The following DPP9 variants were observed in gnomAD, a reference collection of about 807,000 sequenced individuals.
The protein encoded by DPP9 is dipeptidyl peptidase IV-related protein-2.
Under a neutral mutation model 110.7 loss-of-function variants are expected in DPP9, and 50 were observed. The ratio of observed to expected loss-of-function variants is 0.45; its 90% confidence interval spans 0.36 to 0.57. The LOEUF is 0.57. Among genes scored for constraint, DPP9 ranks in the 20% least tolerant of loss-of-function variants. The pLI, the probability that DPP9 is intolerant of heterozygous loss-of-function variation, is 0.00. For missense variants in DPP9, 1,022 were observed against 1,217.9 expected (o/e 0.84, Z 2.39); for synonymous variants, 561 against 514.4 (o/e 1.09, Z -1.23).
In DPP9 at chr19:4,694,547, C is replaced by T; in HGVS notation, c.1516+114G>A. Reference sequence around the variant, plus strand: ...GCTGGCTTCCTGCCGATCCCTGTTCCTTCTCCCGCAGGGTGTGCTGGCTGA... The same window carrying T: ...GCTGGCTTCCTGCCGATCCCTGTTCTTTCTCCCGCAGGGTGTGCTGGCTGA... On this transcript the variant is annotated intron_variant, in intron 13 of 21. Transcript: ENST00000262960. The surrounding 1 kb of genome is among the most constrained non-coding windows in gnomAD (Gnocchi z 4.0). 2 of 1,351,048 alleles carry T rather than the reference C, an allele frequency of 1.5e-6. No homozygotes were observed. Among genetic ancestry groups the T allele is most frequent in the African/African-American group, 1.4e-5 (1 of 69,290 alleles). 83.7% of individuals were successfully genotyped at this position (1,351,048 alleles called of 1,614,324 possible). A position where few individuals can be genotyped will look rare whatever the true frequency, so the allele number is the denominator to read the frequency against.
In DPP9 at chr19:4,687,674, G is replaced by A. The variant is rs1046610568; in HGVS notation, c.1885+1083C>T. ...CACCATAAAGGGCCCTCTGCATGCCGCTGTGGCCAGGACTGCAGGGTCCTG... is the reference window on the plus strand; with the variant it reads ...CACCATAAAGGGCCCTCTGCATGCCACTGTGGCCAGGACTGCAGGGTCCTG... On this transcript the variant is annotated intron_variant, in intron 16 of 21. Coordinates refer to ENST00000262960, the MANE Select transcript of DPP9 (RefSeq NM_139159.5). This position sits in a 1 kb window ranked among gnomAD's most constrained non-coding sequence, Gnocchi z 4.7. Among the ~76,000 whole-genome samples, 1 of 151,076 alleles carries A rather than the reference G, an allele frequency of 6.6e-6. No homozygotes were observed. Among genetic ancestry groups the A allele is most frequent in the East Asian group, 1.9e-4 (1 of 5,178 alleles).
At chr19:4,722,158 A>AC in intron 2 of DPP9, 1 of 286,318 alleles carries the variant, frequency 3.5e-6, no homozygotes, top group Non-Finnish European at 6.5e-6. Flanking sequence ...CTCAAACTAA[A>AC]GTCCTTTCAG....
chr19:4,691,104 A>G lies in DPP9; in HGVS notation c.1517-147T>C, dbSNP rs1437050599. On this transcript the variant is annotated intron_variant, in intron 13 of 21. Transcript: ENST00000262960. ...GTGAACTCAGACGCCAGCACAGGCC[A>G]CTGCGTCAGACCTGCCACATGGGCA... The G allele has an allele frequency of 1.1e-5, 7 of 636,284 alleles. No homozygotes were observed. In the East Asian group the frequency reaches 1.6e-4, roughly 15 times the overall value. The allele number at this position is 636,284 out of a possible 1,614,324, so 39.4% of individuals were successfully genotyped here.
chr19:4,707,059 A>G (rs1441391028), intron 4 of DPP9, among the ~76,000 whole-genome samples: 1 of 152,166 alleles, frequency 6.6e-6, no homozygotes, highest in Non-Finnish European at 1.5e-5. Flanking sequence ...CAAACCACTG[A>G]TTTAATCGAA....
chr19:4,712,939 G>T (rs2092902943), intron 4 of DPP9, among the ~76,000 whole-genome samples: 2 of 152,208 alleles, frequency 1.3e-5, no homozygotes, highest in African/African-American at 4.8e-5. Context: ...TGCAGCACAC[G>T]CGGGCCTGGG....
chr19:4,692,874 C>T (rs1325778167), intron 13 of DPP9, among the ~76,000 whole-genome samples: 2 of 152,156 alleles, frequency 1.3e-5, no homozygotes, highest in Non-Finnish European at 2.9e-5. Context: ...TCTGCACTGG[C>T]CGCATCCCAC....
Position 4,683,636 on chromosome 19 carries a change from G to T in DPP9, c.2179-7C>A. On this transcript the variant is annotated splice_region_variant and splice_polypyrimidine_tract_variant and intron_variant, in intron 18 of 21. Transcript: ENST00000262960. ...CCTCGATCTCCACCTGGCCCTGAGGGATGAAGCCGGGCACCTCTCAGTGGC... is the reference window on the plus strand; with the variant it reads ...CCTCGATCTCCACCTGGCCCTGAGGTATGAAGCCGGGCACCTCTCAGTGGC... 1 of 1,613,358 alleles carries T rather than the reference G, an allele frequency of 6.2e-7. No homozygotes were observed. The highest frequency in any genetic ancestry group is 1.1e-5 in the South Asian group (1 of 91,088).
chr19:4,680,847 C>G (rs539004798), intron 20 of DPP9, among the ~76,000 whole-genome samples: 1 of 152,236 alleles, frequency 6.6e-6, no homozygotes, highest in South Asian at 2.1e-4. Context: ...ATTCCAGCTA[C>G]TGAGGAGGCT....
intron 20 of DPP9, among the ~76,000 whole-genome samples, chr19:4,681,144 C>A (rs1279662666): frequency 6.6e-6 from 1 of 152,148 alleles, no homozygotes; most frequent in African/African-American, 2.4e-5. Context: ...ATTAACGGAA[C>A]TTATAAACCC....
intron 3 of DPP9, 76 bp downstream of exon 3, chr19:4,719,775 C>A (rs1568337328): frequency 4.0e-6 from 6 of 1,513,758 alleles, no homozygotes; most frequent in Non-Finnish European, 4.5e-6. Context: ...AGGGGCCTTC[C>A]AGATCTTAGA....
chr19:4,697,430 C>T, intron 11 of DPP9, 121 bp downstream of exon 11: 1 of 814,220 alleles, frequency 1.2e-6, no homozygotes, highest in Non-Finnish European at 1.9e-6. Flanking sequence ...GGCGGTTGCA[C>T]TGCGGGAAGA....
chr19:4,677,220 C>T (rs1272783986), intron 21 of DPP9, among the ~76,000 whole-genome samples: 1 of 151,982 alleles, frequency 6.6e-6, no homozygotes, highest in Non-Finnish European at 1.5e-5. Context: ...CCAGCCAACG[C>T]CAGGCCTGGG....
chr19:4,684,200 A>G lies in DPP9; in HGVS notation c.2178+463T>C, dbSNP rs2090348999. ...GGCCACGGCTTTTCCGCTCCTTGCA[A>G]CCCCTCTGCCGTGTAGGAAGCAGCA... On this transcript the variant is annotated intron_variant, in intron 18 of 21. Coordinates refer to ENST00000262960, the MANE Select transcript of DPP9 (RefSeq NM_139159.5). This position sits in a 1 kb window ranked among gnomAD's most constrained non-coding sequence, Gnocchi z 4.8. 3.8e-6 allele frequency: 1 copy of G among 265,832 alleles called. No individual in the cohort carries two copies. The highest frequency in any genetic ancestry group is 2.2e-5 in the African/African-American group (1 of 45,288). 16.5% of individuals were successfully genotyped at this position (265,832 alleles called of 1,614,324 possible).
rs1417897991 is a variant in DPP9, at chr19:4,700,638, G to T, written c.1013-361C>A. Reference sequence around the variant, plus strand: ...CCTGCCTTGGGAGAGCTCCAGAGCAGACGGTGAAGCCCGAGGCATCACAGT... The same window carrying T: ...CCTGCCTTGGGAGAGCTCCAGAGCATACGGTGAAGCCCGAGGCATCACAGT... On this transcript the variant is annotated intron_variant, in intron 9 of 21. Transcript: ENST00000262960. This position sits in a 1 kb window ranked among gnomAD's most constrained non-coding sequence, Gnocchi z 4.3. Among the ~76,000 whole-genome samples the T allele has an allele frequency of 6.6e-6, 1 of 152,220 alleles. No homozygotes were observed. Among genetic ancestry groups the T allele is most frequent in the Non-Finnish European group, 1.5e-5 (1 of 68,028 alleles).
At chr19:4,691,070 C>T (rs1165479191) in intron 13 of DPP9, 113 bp from the exon 14 acceptor site, 18 of 784,334 alleles carry the variant, frequency 2.3e-5, no homozygotes, top group Non-Finnish European at 3.4e-5. Flanking sequence ...ACTGAAACCC[C>T]GGCTTGCTGT....
At chr19:4,720,246 A>C (rs1305245915) in intron 2 of DPP9, among the ~76,000 whole-genome samples, 1 of 152,196 alleles carries the variant, frequency 6.6e-6, no homozygotes, top group East Asian at 1.9e-4. Context: ...TGGAAATAGA[A>C]GAATCCCAAA....
In DPP9 at chr19:4,695,897, A is replaced by C. The variant is rs1369216738; in HGVS notation, c.1176-342T>G. 6.6e-6 allele frequency among the ~76,000 whole-genome samples: 1 copy of C among 151,918 alleles called. No homozygotes were observed. The highest frequency in any genetic ancestry group is 1.9e-4 in the East Asian group (1 of 5,190). On this transcript the variant is annotated intron_variant, in intron 11 of 21. Coordinates refer to ENST00000262960, the MANE Select transcript of DPP9 (RefSeq NM_139159.5). This position sits in a 1 kb window ranked among gnomAD's most constrained non-coding sequence, Gnocchi z 4.7. ...TTTCGTAGTTTGCTTTATTTTATTT[A>C]TTTATTTCTTTATTTAATTTTTTGA...
chr19:4,690,747 G>C, intron 14 of DPP9, 131 bp downstream of exon 14: 1 of 747,636 alleles, frequency 1.3e-6, no homozygotes, highest in Non-Finnish European at 2.3e-6. Context: ...GTGTGTGTGC[G>C]TGTGTGTATG....
At chr19:4,688,701 C>A (rs922836657) in intron 16 of DPP9, 56 bp downstream of exon 16, 2 of 1,369,554 alleles carry the variant, frequency 1.5e-6, no homozygotes, top group Non-Finnish European at 1.9e-6. Flanking sequence ...GGCCCTCGTC[C>A]CGTTTTACAG....
Sources: allele counts gnomAD v4.1 joint callset (sites outside exome capture counted in the v4.1 genomes callset), GRCh38; gene constraint gnomAD v4.1.1; non-coding constraint Gnocchi (gnomAD v3.1); transcripts MANE v1.5; gene names NCBI Gene and HGNC (gene_info 2026-07-23, HGNC 2026-07-21).